RSKR: variants seen among roughly 807,000 people sequenced by gnomAD.
RSKR encodes the protein ribosomal protein S6 kinase-related protein.
In RSKR, 44 loss-of-function variants were observed where a neutral mutation model predicts 56.8. The ratio of observed to expected loss-of-function variants is 0.77; its 90% CI spans 0.61 to 1.00. The LOEUF is 1.00. Among genes scored for constraint, RSKR ranks in the 50% least tolerant of loss-of-function variants. The pLI is 0.00. For synonymous variants in RSKR, 181 were observed against 188.0 expected (o/e 0.96, Z 0.30); for missense variants, 510 against 506.9 (o/e 1.01, Z -0.06).
At position 28,612,112 on chromosome 17, in the gene RSKR, G is replaced by A. The variant is rs371227885; in HGVS notation, c.653-28C>T. ...GTGGATAACAAGTATGGGGTATGCTGCAGCTTTTCTGTCCTTTCCAGTTTC... is the reference window on the plus strand; with the variant it reads ...GTGGATAACAAGTATGGGGTATGCTACAGCTTTTCTGTCCTTTCCAGTTTC... On this transcript the variant is annotated intron_variant, in intron 6 of 11. Transcript: ENST00000301037. 18 of 1,612,982 alleles carry A rather than the reference G, an allele frequency of 1.1e-5. No homozygotes were observed. The African/African-American group carries it at 2.4e-4, about 22-fold the overall frequency.
rs1260166637 is a variant in RSKR at position 28,612,702 on chromosome 17, A to G, written c.478-15T>C. On this transcript the variant is annotated splice_polypyrimidine_tract_variant and intron_variant, in intron 4 of 11. Coordinates refer to ENST00000301037, the MANE Select transcript of RSKR (RefSeq NM_001174103.2). ...TTGATCTGTCGCTAGGAACAAAGAA[A>G]ACAGGAAGTTAGGGAGGAACAGGGT... The G allele has an allele frequency of 6.2e-7, 1 of 1,613,952 alleles. No homozygotes were observed.
At chr17:28,613,979 C>A in intron 1 of RSKR, 108 bp downstream of exon 1, 1 of 1,426,154 alleles carries the variant, frequency 7.0e-7, no homozygotes, top group Non-Finnish European at 9.6e-7. Context: ...CCTGCCCCAC[C>A]CCCACATTGG....
At position 28,613,157 on chromosome 17, in the gene RSKR, A is replaced by C; in HGVS notation, c.409-11T>G. The stretch of plus-strand genomic sequence containing the variant: ...TACCTTGGGCACCACCTATAAAAGG[A>C]GAGTAGTGATGACTCATAGATAGTG... On this transcript the variant is annotated splice_polypyrimidine_tract_variant and intron_variant, in intron 3 of 11. Transcript: ENST00000301037. The C allele has an allele frequency of 1.9e-6, 3 of 1,613,814 alleles. No homozygotes were observed. The highest frequency in any genetic ancestry group is 1.6e-4 in the Middle Eastern group (1 of 6,062).
At chr17:28,612,395 T>C (rs1323619586) in intron 5 of RSKR, 29 bp from the exon 6 acceptor site, 1 of 1,603,670 alleles carries the variant, frequency 6.2e-7, no homozygotes, top group Non-Finnish European at 8.5e-7. Flanking sequence ...GCTACATACA[T>C]TGCCAGAAGT....
At chr17:28,614,003 T>A in intron 1 of RSKR, 84 bp downstream of exon 1, 2 of 1,543,070 alleles carry the variant, frequency 1.3e-6, no homozygotes, top group Non-Finnish European at 1.8e-6. Flanking sequence ...ATCACTTCCA[T>A]GCTCCTAACC....
chr17:28,612,970 G>A (rs2070841377), intron 4 of RSKR, 108 bp downstream of exon 4: 1 of 1,202,620 alleles, frequency 8.3e-7, no homozygotes, highest in African/African-American at 1.5e-5. Context: ...AAACTAGGCT[G>A]AAGCAGATGG....
intron 4 of RSKR, 157 bp from the exon 5 acceptor site, chr17:28,612,844 C>G: frequency 1.3e-6 from 1 of 785,758 alleles, no homozygotes; most frequent in Non-Finnish European, 2.1e-6. Flanking sequence ...ATCTGGTAAT[C>G]CTAGAACCAG....
intron 4 of RSKR, 182 bp downstream of exon 4, chr17:28,612,896 C>A: frequency 1.3e-6 from 1 of 760,570 alleles, no homozygotes. Context: ...CAGAGATTTC[C>A]CTAGTAGGAC....
rs569039771 is a variant in RSKR, at chr17:28,609,326, T to C, written c.*1152A>G. The C allele has an allele frequency of 2.6e-5, 4 of 152,276 alleles. No homozygotes were observed. The East Asian group carries it at 7.7e-4, about 29-fold the overall frequency. 9.4% of individuals were successfully genotyped at this position (152,276 alleles called of 1,614,324 possible). On this transcript the variant is annotated 3_prime_UTR_variant, in exon 12 of 12. Coordinates refer to ENST00000301037, the MANE Select transcript of RSKR (RefSeq NM_001174103.2). ...AAATAACCTTAAATCTTAAGGTTGA[T>C]GCATGCCTCTTAATCTCTTGGTTTG...
In RSKR at chr17:28,613,577, A is replaced by G. The variant is rs1256468952; in HGVS notation, c.187T>C (p.Tyr63His). ...GGCTTTAGGGATTCCTGGTGCAGATAGTGGTGCCCCCGTAGTTCCCAGAGT... is the reference window on the plus strand; with the variant it reads ...GGCTTTAGGGATTCCTGGTGCAGATGGTGGTGCCCCCGTAGTTCCCAGAGT... ...EELWELRGHH[Y>H]LHQESLKPAP... The change falls in exon 2 of 12, where the codon TAT becomes CAT. Residue 63 changes from tyrosine to histidine, a missense_variant. Physicochemically the swap from Tyr to His is moderately conservative, Grantham distance 83 (BLOSUM62 2). Coordinates refer to ENST00000301037, the MANE Select transcript of RSKR (RefSeq NM_001174103.2). 1 of 1,614,152 alleles carries G rather than the reference A, an allele frequency of 6.2e-7. No individual in the cohort carries two copies.
chr17:28,610,346 A>G lies in RSKR; in HGVS notation c.*132T>C. 2 of 843,478 alleles carry G rather than the reference A, an allele frequency of 2.4e-6. No individual in the cohort carries two copies. The highest frequency in any genetic ancestry group is 3.6e-6 in the Non-Finnish European group (2 of 552,082). The allele number at this position is 843,478 out of a possible 1,614,324, so 52.2% of individuals were successfully genotyped here. A position where few individuals can be genotyped will look rare whatever the true frequency, so the allele number is the denominator to read the frequency against. ...AATGTCCAGGTTGGAACTCTGGTCTAAAGCCTAGGAGAGCAGAACGGTAAG... is the reference window on the plus strand; with the variant it reads ...AATGTCCAGGTTGGAACTCTGGTCTGAAGCCTAGGAGAGCAGAACGGTAAG... On this transcript the variant is annotated 3_prime_UTR_variant, in exon 12 of 12. Transcript: ENST00000301037.
At position 28,612,603 on chromosome 17, in the gene RSKR, A is replaced by G. The variant is rs753887431; in HGVS notation, c.547+15T>C. On this transcript the variant is annotated intron_variant, in intron 5 of 11. Transcript: ENST00000301037. The stretch of plus-strand genomic sequence containing the variant: ...CAAAGACCCTGGGGGATGAGGAGAG[A>G]GTCCAGTCACTCACTAATGAAAAGG... 1 of 1,613,532 alleles carries G rather than the reference A, an allele frequency of 6.2e-7. No individual in the cohort carries two copies. Among genetic ancestry groups the G allele is most frequent in the Non-Finnish European group, 8.5e-7 (1 of 1,179,484 alleles).
At position 28,610,262 on chromosome 17, in the gene RSKR, T is replaced by C. The variant is rs2070793285; in HGVS notation, c.*216A>G. ...CACCACCCTGATCTGACATGTTGAA[T>C]TGAGAGGTAGGTTGTATGATAGGGA... On this transcript the variant is annotated 3_prime_UTR_variant, in exon 12 of 12. Coordinates refer to ENST00000301037, the MANE Select transcript of RSKR (RefSeq NM_001174103.2). 1.8e-6 allele frequency: 1 copy of C among 553,416 alleles called. No individual in the cohort carries two copies. The highest frequency in any genetic ancestry group is 1.9e-5 in the African/African-American group (1 of 53,086). 34.3% of individuals were successfully genotyped at this position (553,416 alleles called of 1,614,324 possible).
intron 4 of RSKR, 94 bp downstream of exon 4, chr17:28,612,984 A>G: frequency 7.6e-7 from 1 of 1,316,766 alleles, no homozygotes; most frequent in Non-Finnish European, 1.1e-6. Context: ...CAGATGGATG[A>G]GGCAGAACCA....
rs1044135056 is a variant in RSKR at position 28,609,702 on chromosome 17, C to T, written c.*776G>A. On this transcript the variant is annotated 3_prime_UTR_variant, in exon 12 of 12. Coordinates refer to ENST00000301037, the MANE Select transcript of RSKR (RefSeq NM_001174103.2). ...GCAGTGAGCTGAGATCGTGCCACTG[C>T]ACTCCAACCTGGGTGACGAGAGTGA... is the stretch of plus-strand genomic sequence containing the variant. 6 of 140,754 alleles carry T rather than the reference C, an allele frequency of 4.3e-5. No individual in the cohort carries two copies. The highest frequency in any genetic ancestry group is 7.5e-5 in the Admixed American group (1 of 13,318). The allele number at this position is 140,754 out of a possible 1,614,324, so 8.7% of individuals were successfully genotyped here. A position where few individuals can be genotyped will look rare whatever the true frequency, so the allele number is the denominator to read the frequency against.
At chr17:28,610,918 T>C in intron 11 of RSKR, 1 of 652,370 alleles carries the variant, frequency 1.5e-6, no homozygotes, top group African/African-American at 1.8e-5. Context: ...TGTACAGTGT[T>C]CCACTCTCTC....
chr17:28,612,139 C>G, intron 6 of RSKR, 55 bp from the exon 7 acceptor site: 1 of 1,602,504 alleles, frequency 6.2e-7, no homozygotes, highest in Non-Finnish European at 8.6e-7. Flanking sequence ...TCCAGTTTCC[C>G]TAGTAGCCCT....
In RSKR at chr17:28,608,498, T is replaced by C. The variant is rs1384848024; in HGVS notation, c.*1980A>G. 1 of 151,940 alleles carries C rather than the reference T, an allele frequency of 6.6e-6. No individual in the cohort carries two copies. Among genetic ancestry groups the C allele is most frequent in the East Asian group, 1.9e-4 (1 of 5,182 alleles). 9.4% of individuals were successfully genotyped at this position (151,940 alleles called of 1,614,324 possible). A position where few individuals can be genotyped will look rare whatever the true frequency, so the allele number is the denominator to read the frequency against. ...GCCTCCTGAGTAGCTGGGACTACAG[T>C]GTGTGCCCTCATGACCAGCTAATTT... On this transcript the variant is annotated 3_prime_UTR_variant, in exon 12 of 12. Transcript: ENST00000301037.
chr17:28,611,822 T>A, intron 7 of RSKR, 27 bp from the exon 8 acceptor site: 1 of 1,614,080 alleles, frequency 6.2e-7, no homozygotes, highest in Non-Finnish European at 8.5e-7. Context: ...GAGAAGTAAT[T>A]CTTCCTCTTC....
Sources: gnomAD v4.1 joint callset for allele counts on GRCh38, gnomAD v4.1.1 for gene constraint, MANE v1.5 for transcripts, NCBI Gene and HGNC (gene_info 2026-07-23, HGNC 2026-07-21) for gene names.